Variants in SEPTIN2 observed in about 807,000 individuals in gnomAD.
SEPTIN2 encodes septin-2.
Under a neutral mutation model 46.5 loss-of-function variants are expected in SEPTIN2, and 34 were observed. The ratio of observed to expected loss-of-function variants is 0.73; its 90% CI spans 0.56 to 0.97. The LOEUF (loss-of-function observed/expected upper bound fraction) is 0.97, where lower values mean the gene tolerates loss of function less well. Among genes scored for constraint, SEPTIN2 ranks in the 50% least tolerant of loss-of-function variants. The pLI, the probability that SEPTIN2 is intolerant of heterozygous loss-of-function variation, is 0.00. For missense variants in SEPTIN2, 347 were observed against 448.4 expected (o/e 0.77, Z 2.04); for synonymous variants, 175 against 153.4 (o/e 1.14, Z -1.04).
chr2:241,337,790 G>C lies in SEPTIN2; in HGVS notation c.594G>C (p.Arg198Ser). The C allele has an allele frequency of 6.2e-7, 1 of 1,610,776 alleles. No individual in the cohort carries two copies. Among genetic ancestry groups the C allele is most frequent in the Non-Finnish European group, 8.5e-7 (1 of 1,177,078 alleles). The change falls in exon 7 of 13, where the codon AGG (arginine) becomes AGC (serine). Residue 198 changes from arginine (R) to serine (S), a missense_variant and splice_region_variant. Coordinates refer to ENST00000391971, the MANE Select transcript of SEPTIN2 (RefSeq NM_004404.5). ...AGGAACGGGAGCGGCTGAAGAAAAGGGTGAGTGAGGCTGGCGTCCTGCCCT... is the reference window on the plus strand; with the variant it reads ...AGGAACGGGAGCGGCTGAAGAAAAGCGTGAGTGAGGCTGGCGTCCTGCCCT... The part of the protein sequence containing the change: ...TLKERERLKK[R>S]ILDEIEEHNI...
upstream of SEPTIN2, chr2:241,315,570 C>T (rs1304110871): frequency 1.3e-5 from 2 of 152,440 alleles, no homozygotes; most frequent in Non-Finnish European, 2.9e-5. Context: ...TTCTCATTAC[C>T]TGTTCCACTC....
In SEPTIN2 at chr2:241,316,142, C is replaced by T. The variant is rs7606852; in HGVS notation, c.-18+160C>T. ...GAGGGGCGGCCGAGCCCAGGCTCTT[C>T]GGCACTTATCGTGGGCTCCCCCGTC... On this transcript the variant is annotated intron_variant, in intron 1 of 12. Coordinates refer to ENST00000391971, the MANE Select transcript of SEPTIN2 (RefSeq NM_004404.5). The T allele has an allele frequency of 6.9e-4, 141 of 204,604 alleles. 2 individuals are homozygous for T. Among genetic ancestry groups the T allele is most frequent in the African/African-American group, 2.8e-3 (121 of 43,498 alleles). The allele number at this position is 204,604 out of a possible 1,614,324, so 12.7% of individuals were successfully genotyped here.
At chr2:241,338,714 A>G (rs1389304017) in intron 7 of SEPTIN2, among the ~76,000 whole-genome samples, 1 of 73,886 alleles carries the variant, frequency 1.4e-5, no homozygotes, top group Non-Finnish European at 2.9e-5. Context: ...TATATTATTT[A>G]TATAATATAT....
At position 241,324,022 on chromosome 2, in the gene SEPTIN2, G is replaced by A. The variant is rs1488578828; in HGVS notation, c.-17-194G>A. 11 of 539,770 alleles carry A rather than the reference G, an allele frequency of 2.0e-5. 1 individual carries two copies. The highest frequency in any genetic ancestry group is 1.8e-4 in the East Asian group (6 of 32,472). The allele number at this position is 539,770 out of a possible 1,614,324, so 33.4% of individuals were successfully genotyped here. A position where few individuals can be genotyped will look rare whatever the true frequency, so the allele number is the denominator to read the frequency against. ...AAGAATAAAAGTAGTGATGTTACAC[G>A]AGCCAGCTGTCAGTGCTTAACTTTT... On this transcript the variant is annotated intron_variant, in intron 1 of 12. Coordinates refer to ENST00000391971, the MANE Select transcript of SEPTIN2 (RefSeq NM_004404.5).
rs1034889756 is a variant in SEPTIN2, at chr2:241,321,579, T to G, written c.-17-2637T>G. 3.3e-5 allele frequency among the ~76,000 whole-genome samples: 5 copies of G among 152,258 alleles called. No individual in the cohort carries two copies. The South Asian group carries it at 8.3e-4, about 25-fold the overall frequency. On this transcript the variant is annotated intron_variant, in intron 1 of 12. Coordinates refer to ENST00000391971, the MANE Select transcript of SEPTIN2 (RefSeq NM_004404.5). ...TGGACGGTTTGTTGTTTTTGTTTTTTTTTTCCCTTGGTTTTTCAGGCCAAT... is the reference window on the plus strand; with the variant it reads ...TGGACGGTTTGTTGTTTTTGTTTTTGTTTTCCCTTGGTTTTTCAGGCCAAT...
At chr2:241,336,517 T>TGA (rs1213227141) in intron 5 of SEPTIN2, 1 of 178,748 alleles carries the variant, frequency 5.6e-6, no homozygotes, top group Non-Finnish European at 1.2e-5. Context: ...TAGAGCAGTC[T>TGA]GTCACCTGTA....
At chr2:241,350,882 G>C (rs1288371737) in intron 12 of SEPTIN2, among the ~76,000 whole-genome samples, 1 of 152,084 alleles carries the variant, frequency 6.6e-6, no homozygotes, top group Non-Finnish European at 1.5e-5. Flanking sequence ...CTGTCCAGGT[G>C]GCCACTCCCA....
At chr2:241,350,485 CA>C (rs2060687364) in intron 12 of SEPTIN2, among the ~76,000 whole-genome samples, 1 of 151,962 alleles carries the variant, frequency 6.6e-6, no homozygotes, top group African/African-American at 2.4e-5. Context: ...TCTAAGCTTG[CA>C]AATACCAACA....
intron 3 of SEPTIN2, among the ~76,000 whole-genome samples, chr2:241,328,528 G>T (rs1363375083): frequency 6.6e-6 from 1 of 151,566 alleles, no homozygotes; most frequent in Non-Finnish European, 1.5e-5. Context: ...CCTGAGGTTG[G>T]GAGTTCAAGA....
chr2:241,324,157 G>T (rs953943100), intron 1 of SEPTIN2, 59 bp from the exon 2 acceptor site: 1 of 1,506,922 alleles, frequency 6.6e-7, no homozygotes, highest in Admixed American at 1.8e-5. Flanking sequence ...ATATACGTGC[G>T]TATACATACA....
At chr2:241,335,483 G>A in intron 4 of SEPTIN2, 1 of 820,256 alleles carries the variant, frequency 1.2e-6, no homozygotes, top group South Asian at 1.5e-5. Context: ...AATATTTGAT[G>A]GAAGGATTAA....
chr2:241,321,346 A>C (rs533047647), intron 1 of SEPTIN2, among the ~76,000 whole-genome samples: 4 of 152,142 alleles, frequency 2.6e-5, no homozygotes, highest in Admixed American at 6.5e-5. Flanking sequence ...ATACAGGCTT[A>C]TGAATATTAC....
chr2:241,317,405 C>T (rs539055202), intron 1 of SEPTIN2: 1 of 302,100 alleles, frequency 3.3e-6, no homozygotes, highest in Admixed American at 6.5e-5. Context: ...CTGACTGGCT[C>T]TTAAACTAGC....
chr2:241,316,731 G>A, intron 1 of SEPTIN2: 2 of 461,578 alleles, frequency 4.3e-6, no homozygotes, highest in Admixed American at 4.2e-5. Context: ...TCTTGTCAGT[G>A]CCACCAGACC....
chr2:241,340,594 T>C (rs770412995), intron 7 of SEPTIN2, among the ~76,000 whole-genome samples: 92 of 152,176 alleles, frequency 6.0e-4, no homozygotes, highest in Non-Finnish European at 1.5e-4. Flanking sequence ...GAACTTCACC[T>C]TTTGTACTCT....
chr2:241,343,684 T>C, intron 8 of SEPTIN2, 68 bp from the exon 9 acceptor site: 2 of 1,576,364 alleles, frequency 1.3e-6, no homozygotes, highest in Middle Eastern at 3.4e-4. Flanking sequence ...GTGCTAATGT[T>C]CTCGTGTTGC....
chr2:241,340,275 T>G (rs989608142), intron 7 of SEPTIN2, among the ~76,000 whole-genome samples: 6 of 152,222 alleles, frequency 3.9e-5, no homozygotes, highest in African/African-American at 1.4e-4. Flanking sequence ...TGATGCCGGT[T>G]GGTGTATTCT....
chr2:241,319,707 T>C (rs1176044676), intron 1 of SEPTIN2, among the ~76,000 whole-genome samples: 1 of 152,184 alleles, frequency 6.6e-6, no homozygotes. Flanking sequence ...TCCTCCCACC[T>C]CAGTCTCCCA....
At chr2:241,322,449 A>T (rs12622880) in intron 1 of SEPTIN2, among the ~76,000 whole-genome samples, 23,951 of 150,780 alleles carry the variant, frequency 0.16, 2,388 homozygotes, top group East Asian at 0.4. Context: ...ACTAAAAATT[A>T]AAAAAAAATT....
Sources: gnomAD v4.1 joint callset for allele counts (sites outside exome capture counted in the v4.1 genomes callset) on GRCh38, gnomAD v4.1.1 for gene constraint, MANE v1.5 for transcripts, NCBI Gene and HGNC (gene_info 2026-07-23, HGNC 2026-07-21) for gene names.